THSD4: variants seen among roughly 807,000 people sequenced by gnomAD.
The protein encoded by THSD4 is thrombospondin type 1 domain containing 4.
Under a neutral mutation model 119.0 loss-of-function variants are expected in THSD4, and 69 were observed. The ratio of observed to expected loss-of-function variants is 0.58; its 90% CI spans 0.48 to 0.71. The LOEUF (loss-of-function observed/expected upper bound fraction) is 0.71. Among genes scored for constraint, THSD4 ranks in the 30% least tolerant of loss-of-function variants. The pLI is 0.00. For missense variants in THSD4, 1,393 were observed against 1,391.1 expected (o/e 1.00, Z -0.02); for synonymous variants, 524 against 540.4 (o/e 0.97, Z 0.42).
chr15:71,290,238 C>T (rs2044772441), intron 6 of THSD4, among the ~76,000 whole-genome samples: 2 of 152,198 alleles, frequency 1.3e-5, no homozygotes, highest in Admixed American at 1.3e-4. Context: ...AGCAGGTCCT[C>T]TGTTCCTGGC....
intron 6 of THSD4, among the ~76,000 whole-genome samples, chr15:71,264,875 C>T (rs777041926): frequency 3.9e-5 from 6 of 152,112 alleles, no homozygotes; most frequent in Non-Finnish European, 8.8e-5. Flanking sequence ...TGCTAATACA[C>T]ACAGCACAAT....
At chr15:71,553,636 A>T (rs1379615109) in intron 7 of THSD4, among the ~76,000 whole-genome samples, 3 of 152,144 alleles carry the variant, frequency 2.0e-5, no homozygotes, top group African/African-American at 7.2e-5. Flanking sequence ...CTTAAATGGG[A>T]ATGTTTCTAA....
At chr15:71,540,438 C>CT (rs11335522) in intron 7 of THSD4, among the ~76,000 whole-genome samples, 121 of 125,796 alleles carry the variant, frequency 9.6e-4, no homozygotes, top group Non-Finnish European at 1.1e-3. Context: ...ACCTGGCCGC[C>CT]TTTTTTTTTT....
At chr15:71,623,453 G>A (rs1369863181) in intron 7 of THSD4, among the ~76,000 whole-genome samples, 1 of 152,174 alleles carries the variant, frequency 6.6e-6, no homozygotes, top group Non-Finnish European at 1.5e-5. Flanking sequence ...GTAGAGCCAA[G>A]ATCTTGACCT....
chr15:71,318,260 A>G (rs2045218730), intron 6 of THSD4, among the ~76,000 whole-genome samples: 1 of 152,186 alleles, frequency 6.6e-6, no homozygotes. Flanking sequence ...CAAAGTCACC[A>G]CAGACTAGGA....
At chr15:71,521,685 A>T (rs975259760) in intron 7 of THSD4, among the ~76,000 whole-genome samples, 1 of 152,132 alleles carries the variant, frequency 6.6e-6, no homozygotes, top group Non-Finnish European at 1.5e-5. Flanking sequence ...AAAAGAATTC[A>T]TTAACCTGTA....
intron 7 of THSD4, among the ~76,000 whole-genome samples, chr15:71,621,853 TTTG>T (rs1227976472): frequency 6.6e-6 from 1 of 152,230 alleles, no homozygotes; most frequent in Non-Finnish European, 1.5e-5. Flanking sequence ...TTGCTAATGA[TTTG>T]TTGTTGTTGA....
chr15:71,452,738 C>A (rs1170135170), intron 7 of THSD4, among the ~76,000 whole-genome samples: 1 of 152,128 alleles, frequency 6.6e-6, no homozygotes, highest in African/African-American at 2.4e-5. Flanking sequence ...GCCTCAGCCT[C>A]CCACGTAGCT....
chr15:71,216,194 T>A (rs1331201698), intron 4 of THSD4, among the ~76,000 whole-genome samples: 1 of 151,976 alleles, frequency 6.6e-6, no homozygotes, highest in African/African-American at 2.4e-5. Flanking sequence ...GCAAAAACAG[T>A]AACAAAAAAC....
chr15:71,755,706 CAAAAAAA>C (rs10555546), intron 14 of THSD4, among the ~76,000 whole-genome samples: 2 of 50,284 alleles, frequency 4.0e-5, no homozygotes, highest in Admixed American at 3.3e-4. Context: ...TCAGCAAAGA[CAAAAAAA>C]AAAAAAAAAA....
At chr15:71,535,677 A>G (rs2048680130) in intron 7 of THSD4, among the ~76,000 whole-genome samples, 1 of 152,108 alleles carries the variant, frequency 6.6e-6, no homozygotes, top group South Asian at 2.1e-4. Context: ...GCATTTCCCT[A>G]ATGACTCTTG....
intron 6 of THSD4, among the ~76,000 whole-genome samples, chr15:71,325,995 C>T (rs564956972): frequency 6.6e-6 from 1 of 152,130 alleles, no homozygotes; most frequent in South Asian, 2.1e-4. Context: ...CAATTTCCAC[C>T]TCTGTGATAA....
chr15:71,652,501 A>G (rs2051112685), intron 7 of THSD4, among the ~76,000 whole-genome samples: 1 of 152,200 alleles, frequency 6.6e-6, no homozygotes, highest in African/African-American at 2.4e-5. Context: ...TCCATGGAGG[A>G]GGAAAATTAT....
intron 7 of THSD4, among the ~76,000 whole-genome samples, chr15:71,493,307 GCT>G (rs1370063468): frequency 6.6e-6 from 1 of 152,220 alleles, no homozygotes; most frequent in East Asian, 1.9e-4. Flanking sequence ...CCAAGCCAGT[GCT>G]CTGTCTAACT....
At chr15:71,502,218 C>T (rs1007609356) in intron 7 of THSD4, among the ~76,000 whole-genome samples, 3 of 152,136 alleles carry the variant, frequency 2.0e-5, no homozygotes, top group Non-Finnish European at 2.9e-5. Context: ...AGGGCAAGCC[C>T]GTGCATCTAG....
At chr15:71,658,641 G>A (rs930150660) in intron 7 of THSD4, among the ~76,000 whole-genome samples, 4 of 152,132 alleles carry the variant, frequency 2.6e-5, no homozygotes, top group Non-Finnish European at 4.4e-5. Context: ...AGGGGGGTGG[G>A]GCTATGGAAA....
intron 4 of THSD4, among the ~76,000 whole-genome samples, chr15:71,218,656 A>T (rs1477294114): frequency 1.3e-5 from 2 of 152,172 alleles, no homozygotes; most frequent in Non-Finnish European, 2.9e-5. Context: ...CGGCTGATGA[A>T]AATCACATTT....
intron 2 of THSD4, among the ~76,000 whole-genome samples, chr15:71,149,790 G>C (rs2040702193): frequency 6.6e-6 from 1 of 152,138 alleles, no homozygotes; most frequent in Non-Finnish European, 1.5e-5. Flanking sequence ...GTACACAGGG[G>C]CTGTGACAGT....
intron 14 of THSD4, among the ~76,000 whole-genome samples, chr15:71,748,874 G>A (rs1016759427): frequency 2.0e-5 from 3 of 152,140 alleles, no homozygotes; most frequent in Admixed American, 6.5e-5. Context: ...ACATCCCATC[G>A]TTCATATGTC....
Sources: gnomAD v4.1 joint callset for allele counts (sites outside exome capture counted in the v4.1 genomes callset) on GRCh38, gnomAD v4.1.1 for gene constraint, MANE v1.5 for transcripts, NCBI Gene and HGNC (gene_info 2026-07-23, HGNC 2026-07-21) for gene names.